Variants in CALCR observed in about 807,000 individuals in gnomAD.
CALCR encodes calcitonin receptor.
A neutral mutation model predicts 59.5 loss-of-function variants in CALCR; 47 were observed. The ratio of observed to expected loss-of-function variants is 0.79; its 90% CI spans 0.63 to 1.01. The LOEUF (loss-of-function observed/expected upper bound fraction) is 1.01, where lower values mean the gene tolerates loss of function less well. Ranked by LOEUF, CALCR falls within the 50% of genes least tolerant of loss-of-function variation. CALCR has a pLI of 0.00. For synonymous variants in CALCR, 213 were observed against 211.3 expected, an observed-to-expected ratio of 1.01 and a Z score of -0.07; for missense variants, 566 against 597.1, an observed-to-expected ratio of 0.95 and a Z score of 0.54.
chr7:93,460,593 GTA>G (rs368578654), intron 8 of CALCR, among the ~76,000 whole-genome samples: 943 of 88,444 alleles, frequency 0.011, 12 homozygotes, highest in Non-Finnish European at 0.014. Flanking sequence ...ATATATATAT[GTA>G]TATATATATA....
At chr7:93,449,734 T>C (rs1800073385) in intron 8 of CALCR, among the ~76,000 whole-genome samples, 1 of 152,180 alleles carries the variant, frequency 6.6e-6, no homozygotes, top group Admixed American at 6.6e-5. Context: ...CTAACAGCAC[T>C]ACAATTCTTA....
At chr7:93,441,479 T>C (rs1157018436) in intron 9 of CALCR, 4 of 447,136 alleles carry the variant, frequency 8.9e-6, no homozygotes, top group Admixed American at 2.5e-5. Flanking sequence ...AATCTAGAAA[T>C]TGTTGAGAGG....
At chr7:93,547,900 T>C (rs1789335203) in intron 2 of CALCR, among the ~76,000 whole-genome samples, 1 of 152,186 alleles carries the variant, frequency 6.6e-6, no homozygotes, top group Non-Finnish European at 1.5e-5. Context: ...CTTATGGGAC[T>C]GTGCTGATTG....
intron 2 of CALCR, among the ~76,000 whole-genome samples, chr7:93,508,000 T>G (rs1056638311): frequency 1.3e-5 from 2 of 152,098 alleles, no homozygotes; most frequent in African/African-American, 4.8e-5. Context: ...GATTTTCATT[T>G]TAAGAATTAA....
In CALCR at chr7:93,426,279, G is replaced by T; in HGVS notation, c.*77C>A. On this transcript the variant is annotated 3_prime_UTR_variant, in exon 14 of 14. Coordinates refer to ENST00000426151, the MANE Select transcript of CALCR (RefSeq NM_001742.4). ...TGATATGTTCGGTTCCTGGGAGGAT[G>T]GAGAATACTTTAAATGCATGGTCTT... The T allele has an allele frequency of 1.2e-6, 1 of 816,332 alleles. No homozygotes were observed. 50.6% of individuals were successfully genotyped at this position (816,332 alleles called of 1,614,324 possible). A position where few individuals can be genotyped will look rare whatever the true frequency, so the allele number is the denominator to read the frequency against.
intron 2 of CALCR, among the ~76,000 whole-genome samples, chr7:93,510,365 C>G (rs1251823049): frequency 6.6e-6 from 1 of 152,144 alleles, no homozygotes; most frequent in Non-Finnish European, 1.5e-5. Flanking sequence ...CACTGGAGGT[C>G]AGAAAGTCTC....
At chr7:93,541,406 G>A (rs769066583) in intron 2 of CALCR, among the ~76,000 whole-genome samples, 7 of 151,846 alleles carry the variant, frequency 4.6e-5, no homozygotes, top group Non-Finnish European at 1.0e-4. Context: ...CTGGTGATCC[G>A]CCTGCCTCGG....
intron 2 of CALCR, among the ~76,000 whole-genome samples, chr7:93,520,200 G>C (rs1801732914): frequency 6.6e-6 from 1 of 151,992 alleles, no homozygotes; most frequent in African/African-American, 2.4e-5. Flanking sequence ...TATTAATGAA[G>C]GAAAGTGAGA....
chr7:93,494,155 G>A (rs900623093), intron 2 of CALCR, among the ~76,000 whole-genome samples: 2 of 151,324 alleles, frequency 1.3e-5, no homozygotes, highest in South Asian at 2.1e-4. Context: ...CTAATATGGC[G>A]AGAAACCAGC....
chr7:93,496,101 C>T (rs1801196225), intron 2 of CALCR: 1 of 563,738 alleles, frequency 1.8e-6, no homozygotes, highest in East Asian at 3.2e-5. Flanking sequence ...GGAAAGAGTA[C>T]AAAATGTCAA....
intron 2 of CALCR, among the ~76,000 whole-genome samples, chr7:93,503,609 AG>A (rs1360156192): frequency 3.3e-5 from 5 of 152,090 alleles, no homozygotes; most frequent in South Asian, 2.1e-4. Flanking sequence ...AAAAAAGAAA[AG>A]AGGAAATGAA....
At chr7:93,470,782 TTAA>T (rs1800534283) in intron 6 of CALCR, among the ~76,000 whole-genome samples, 1 of 151,644 alleles carries the variant, frequency 6.6e-6, no homozygotes, top group Non-Finnish European at 1.5e-5. Flanking sequence ...TATTTTATTG[TTAA>T]TTATTATACT....
At chr7:93,438,329 G>T in intron 9 of CALCR, 59 bp from the exon 10 acceptor site, 1 of 1,257,324 alleles carries the variant, frequency 8.0e-7, no homozygotes, top group Non-Finnish European at 1.2e-6. Flanking sequence ...TTTAAGTACA[G>T]CTGCATGGAC....
chr7:93,555,826 G>A (rs889441868), intron 2 of CALCR, among the ~76,000 whole-genome samples: 2 of 152,124 alleles, frequency 1.3e-5, no homozygotes, highest in Non-Finnish European at 2.9e-5. Context: ...ACTAGACTTG[G>A]GCTGATCAGT....
At chr7:93,450,117 A>C (rs1026475883) in intron 8 of CALCR, among the ~76,000 whole-genome samples, 1 of 152,048 alleles carries the variant, frequency 6.6e-6, no homozygotes, top group Non-Finnish European at 1.5e-5. Context: ...ACAACATAAA[A>C]GAACACTTTT....
chr7:93,504,107 A>G (rs980308834), intron 2 of CALCR, among the ~76,000 whole-genome samples: 12 of 152,338 alleles, frequency 7.9e-5, no homozygotes, highest in Admixed American at 3.3e-4. Context: ...CCAATGAAGA[A>G]TAGTCATAAT....
At chr7:93,551,980 A>T (rs1482369615) in intron 2 of CALCR, among the ~76,000 whole-genome samples, 1 of 152,202 alleles carries the variant, frequency 6.6e-6, no homozygotes, top group East Asian at 1.9e-4. Context: ...TTATATTGAA[A>T]TATTTACCCT....
At chr7:93,498,845 TAA>T (rs1419346399) in intron 2 of CALCR, among the ~76,000 whole-genome samples, 3 of 151,702 alleles carry the variant, frequency 2.0e-5, no homozygotes, top group Admixed American at 6.6e-5. Context: ...AAACTGATTG[TAA>T]TTAGCATGTT....
chr7:93,434,209 C>T (rs759875159), intron 13 of CALCR, 44 bp downstream of exon 13: 1 of 1,436,198 alleles, frequency 7.0e-7, no homozygotes, highest in South Asian at 1.1e-5. Context: ...AAAATGCTGC[C>T]TTTACACAAA....
Sources: allele counts gnomAD v4.1 joint callset (sites outside exome capture counted in the v4.1 genomes callset), GRCh38; gene constraint gnomAD v4.1.1; transcripts MANE v1.5; gene names NCBI Gene and HGNC (gene_info 2026-07-23, HGNC 2026-07-21).